The following CARNMT1 variants were observed in gnomAD, a reference collection of about 807,000 sequenced individuals.
CARNMT1 encodes the protein protein-L-histidine N-pros-methyltransferase CARNMT1.
CARNMT1 carries 28 observed loss-of-function variants against 49.6 expected under a neutral mutation model. The observed-to-expected ratio is 0.56, with a 90% confidence interval of 0.42 to 0.77. The LOEUF (loss-of-function observed/expected upper bound fraction) is 0.77, where lower values mean the gene tolerates loss of function less well. Ranked by LOEUF, CARNMT1 falls within the 30% of genes least tolerant of loss-of-function variation. The pLI, the probability that CARNMT1 is intolerant of heterozygous loss-of-function variation, is 0.00. For missense variants in CARNMT1, 421 were observed against 512.6 expected (o/e 0.82, Z 1.73); for synonymous variants, 178 against 175.0 (o/e 1.02, Z -0.13).
In CARNMT1 at chr9:75,028,092, G is replaced by C; in HGVS notation, c.150C>G (p.Ala50=). The change falls in exon 1 of 8, where the codon GCC becomes GCG. Residue 50 remains alanine (A), a synonymous_variant. Transcript: ENST00000376834. ...AAAVSAAAAA[A]TRSTEEEEER... Reference sequence around the variant, plus strand: ...CCTCCTCCTCCTCGGTGCTGCGCGTGGCCGCCGCCGCTGCCGCCGAAACCG... The same window carrying C: ...CCTCCTCCTCCTCGGTGCTGCGCGTCGCCGCCGCCGCTGCCGCCGAAACCG... 1 of 1,554,744 alleles carries C rather than the reference G, an allele frequency of 6.4e-7. No homozygotes were observed. The highest frequency in any genetic ancestry group is 8.7e-7 in the Non-Finnish European group (1 of 1,152,386).
rs551688718 is a variant in CARNMT1, at chr9:74,981,803, A to T, written c.*1964T>A. The T allele has an allele frequency of 1.3e-5, 2 of 152,234 alleles. No individual in the cohort carries two copies. The highest frequency in any genetic ancestry group is 4.1e-4 in the South Asian group (2 of 4,820). 9.4% of individuals were successfully genotyped at this position (152,234 alleles called of 1,614,324 possible). ...AGTGAATACTAGTCAGTGAATAAAAAGCATGTCTAAGCCATTGAAAAACAG... is the reference window on the plus strand; with the variant it reads ...AGTGAATACTAGTCAGTGAATAAAATGCATGTCTAAGCCATTGAAAAACAG... On this transcript the variant is annotated 3_prime_UTR_variant, in exon 8 of 8. Coordinates refer to ENST00000376834, the MANE Select transcript of CARNMT1 (RefSeq NM_152420.3).
Position 74,990,657 on chromosome 9 carries a change from C to G in CARNMT1, c.1025-5647G>C, listed in dbSNP as rs187904080. Among the ~76,000 whole-genome samples the G allele has an allele frequency of 5.7e-4, 87 of 152,304 alleles. 1 individual carries two copies. The East Asian group carries it at 0.013, about 22-fold the overall frequency. The stretch of plus-strand genomic sequence containing the variant: ...GAACTAGATTTTCCATTTCTACAAA[C>G]CATTCCCCATTAAAAGGAACTAGGA... On this transcript the variant is annotated intron_variant, in intron 6 of 7. Transcript: ENST00000376834.
chr9:75,009,688 A>AC (rs1833626330), intron 3 of CARNMT1: 1 of 151,048 alleles, frequency 6.6e-6, no homozygotes. Flanking sequence ...CCTTCTCCCC[A>AC]CCCCCCAGCC....
intron 1 of CARNMT1, among the ~76,000 whole-genome samples, chr9:75,026,608 C>T (rs1397924143): frequency 6.6e-6 from 1 of 152,204 alleles, no homozygotes; most frequent in Non-Finnish European, 1.5e-5. Context: ...AATAAAATAT[C>T]CAAACTTCTC....
rs747664283 is a variant in CARNMT1, at chr9:74,999,869, C to G, written c.592G>C (p.Asp198His). The G allele has an allele frequency of 3.8e-6, 6 of 1,595,898 alleles. No homozygotes were observed. The highest frequency in any genetic ancestry group is 1.8e-5 in the Admixed American group (1 of 55,956). ...ACCAGAATATTTACTTTAGAAGGAT[C>G]CCTGAAATGAAATAAGGCAATTATG... is the stretch of plus-strand genomic sequence containing the variant. The part of the protein sequence containing the change: ...ILKNFPKERW[D>H]PSKVNILVPG... The change falls in exon 4 of 8, where the codon GAT (aspartate) becomes CAT (histidine). Residue 198 changes from aspartate (D) to histidine (H), a missense_variant and splice_region_variant. By Grantham distance (81) the Asp-to-His change is moderately conservative. This residue lies in a region of CARNMT1 where 235 missense variants were observed against 344.8 expected (regional missense o/e 0.68). Transcript: ENST00000376834.
Position 75,017,293 on chromosome 9 carries a change from T to C in CARNMT1, c.386A>G (p.Asp129Gly), listed in dbSNP as rs1833882282. 2 of 1,613,670 alleles carry C rather than the reference T, an allele frequency of 1.2e-6. No homozygotes were observed. The highest frequency in any genetic ancestry group is 1.3e-5 in the African/African-American group (1 of 74,930). The change falls in exon 2 of 8, where the codon GAT becomes GGT. Residue 129 changes from aspartate (D) to glycine (G), a missense_variant. By Grantham distance (94) the Asp-to-Gly change is moderately conservative. Transcript: ENST00000376834. ...NQEILLTIVN[D>G]CIHMFENKEY... is the part of the protein sequence containing the mutation. ...TTTATTTTCAAACATATGTATGCAA[T>C]CATTCACAATGGTCAGTAGTATTTC...
chr9:74,983,012 A>G lies in CARNMT1; in HGVS notation c.*755T>C, dbSNP rs1388314185. 6.6e-6 allele frequency: 1 copy of G among 152,190 alleles called. No homozygotes were observed. Among genetic ancestry groups the G allele is most frequent in the Non-Finnish European group, 1.5e-5 (1 of 68,040 alleles). 9.4% of individuals were successfully genotyped at this position (152,190 alleles called of 1,614,324 possible). ...GCTATTAAATTTAACATTTCATAAA[A>G]AAGAAATGTTTGATGCTTCTTTAAG... is the stretch of plus-strand genomic sequence containing the variant. On this transcript the variant is annotated 3_prime_UTR_variant, in exon 8 of 8. Transcript: ENST00000376834.
At chr9:74,998,569 G>C in intron 5 of CARNMT1, 29 bp downstream of exon 5, 1 of 1,497,222 alleles carries the variant, frequency 6.7e-7, no homozygotes. Flanking sequence ...TAAAGGACAA[G>C]ACTTTTTAAA....
chr9:75,004,428 T>A (rs934053477), intron 3 of CARNMT1, among the ~76,000 whole-genome samples: 1 of 152,258 alleles, frequency 6.6e-6, no homozygotes, highest in South Asian at 2.1e-4. Context: ...GGGTTATGAA[T>A]GCTGAGTGGT....
At chr9:75,014,034 AAAAAAAACCCCAAG>A (rs1292076518) in intron 3 of CARNMT1, among the ~76,000 whole-genome samples, 2 of 151,100 alleles carry the variant, frequency 1.3e-5, no homozygotes, top group Non-Finnish European at 3.0e-5. Context: ...AAAAAAAAAA[AAAAAAAACCCCAAG>A]AATAAAAGGA....
intron 5 of CARNMT1, among the ~76,000 whole-genome samples, chr9:74,996,945 C>T (rs1217292530): frequency 2.6e-5 from 4 of 152,280 alleles, no homozygotes; most frequent in Middle Eastern, 3.4e-3. Flanking sequence ...CCAATTCTGG[C>T]AGGTTTCAGA....
In CARNMT1 at chr9:74,983,759, T is replaced by G. The variant is rs1377250490; in HGVS notation, c.*8A>C. ...AAACTTTTTTCCAGGTGGTATCACT[T>G]GAGACCATTATTGTGGCTTACGGAC... On this transcript the variant is annotated 3_prime_UTR_variant, in exon 8 of 8. Transcript: ENST00000376834. 54 of 1,556,116 alleles carry G rather than the reference T, an allele frequency of 3.5e-5. No homozygotes were observed. Among genetic ancestry groups the G allele is most frequent in the Non-Finnish European group, 4.6e-5 (53 of 1,141,618 alleles).
intron 1 of CARNMT1, among the ~76,000 whole-genome samples, chr9:75,023,449 G>A (rs1215784548): frequency 1.3e-5 from 2 of 152,120 alleles, no homozygotes; most frequent in Admixed American, 6.6e-5. Context: ...GGTGAGTTGA[G>A]ATAAGTTATA....
At position 75,005,062 on chromosome 9, in the gene CARNMT1, A is replaced by T. The variant is rs865845597; in HGVS notation, c.591-5192T>A. On this transcript the variant is annotated intron_variant, in intron 3 of 7. Coordinates refer to ENST00000376834, the MANE Select transcript of CARNMT1 (RefSeq NM_152420.3). ...AATTATTAGACATTCACTTGGAAAA[A>T]TTTTTTTTTAAATTTCAATACATAC... 3.9e-4 allele frequency among the ~76,000 whole-genome samples: 60 copies of T among 151,922 alleles called. No individual in the cohort carries two copies. In the Middle Eastern group the frequency reaches 0.014, roughly 35 times the overall value.
intron 3 of CARNMT1, 25 bp downstream of exon 3, chr9:75,016,241 CTT>C (rs750625178): frequency 1.2e-5 from 18 of 1,550,038 alleles, no homozygotes; most frequent in Non-Finnish European, 3.5e-6. Flanking sequence ...ACTTTAAAAA[CTT>C]GGTTAAAAAT....
Position 75,004,181 on chromosome 9 carries a change from T to C in CARNMT1, c.591-4311A>G, listed in dbSNP as rs78535837. Among the ~76,000 whole-genome samples, 1,330 of 152,372 alleles carry C rather than the reference T, an allele frequency of 8.7e-3. 21 individuals carry two copies. Among genetic ancestry groups the C allele is most frequent in the African/African-American group, 0.029 (1,216 of 41,590 alleles). On this transcript the variant is annotated intron_variant, in intron 3 of 7. Coordinates refer to ENST00000376834, the MANE Select transcript of CARNMT1 (RefSeq NM_152420.3). ...TGAGCCACGGCGCCTGGCCAAGATA[T>C]GCATTTGAATTTTGACAAATAAGCC...
At chr9:74,998,297 T>C (rs1833254603) in intron 5 of CARNMT1, among the ~76,000 whole-genome samples, 2 of 152,214 alleles carry the variant, frequency 1.3e-5, no homozygotes, top group Admixed American at 6.5e-5. Flanking sequence ...AACAGCTTCC[T>C]TCTTACACTA....
chr9:75,001,245 G>A (rs1300689271), intron 3 of CARNMT1, among the ~76,000 whole-genome samples: 1 of 152,084 alleles, frequency 6.6e-6, no homozygotes, highest in African/African-American at 2.4e-5. Flanking sequence ...CCAAATGGCT[G>A]ATGACCCCAG....
chr9:75,005,800 A>G (rs1003803767), intron 3 of CARNMT1, among the ~76,000 whole-genome samples: 4 of 149,042 alleles, frequency 2.7e-5, no homozygotes, highest in African/African-American at 7.4e-5. Context: ...AGGCAGTTCA[A>G]TTAGAAAAGG....
Sources: allele counts gnomAD v4.1 joint callset (sites outside exome capture counted in the v4.1 genomes callset), GRCh38; gene constraint gnomAD v4.1.1; regional missense constraint gnomAD v4.1.1; transcripts MANE v1.5; gene names NCBI Gene and HGNC (gene_info 2026-07-23, HGNC 2026-07-21).